Variants in SUPT6H observed in about 807,000 individuals in gnomAD.
The protein encoded by SUPT6H is SPT6 homolog, histone chaperone and transcription elongation factor.
SUPT6H carries 11 observed loss-of-function variants against 222.3 expected under a neutral mutation model. The ratio of observed to expected loss-of-function variants is 0.05; its 90% CI spans 0.03 to 0.08. The LOEUF (loss-of-function observed/expected upper bound fraction) is 0.08, where lower values mean the gene tolerates loss of function less well. SUPT6H is among the 10% of genes least tolerant of loss of function. SUPT6H has a pLI of 1.00. For synonymous variants in SUPT6H, 762 were observed against 801.2 expected (o/e 0.95, Z 0.83); for missense variants, 1,422 against 2,216.0 (o/e 0.64, Z 7.19).
rs1031017064 is a variant in SUPT6H at position 28,700,000 on chromosome 17, G to A, written c.4561+107G>A. 37 of 1,374,738 alleles carry A rather than the reference G, an allele frequency of 2.7e-5. No homozygotes were observed. In the East Asian group the frequency reaches 3.9e-4, roughly 14 times the overall value. 85.2% of individuals were successfully genotyped at this position (1,374,738 alleles called of 1,614,324 possible). The stretch of plus-strand genomic sequence containing the variant: ...ACCAGGTGAGGAGTAGGCTGTCACT[G>A]CAGCTGTCTTACTCCTCCTGCAGCC... On this transcript the variant is annotated intron_variant, in intron 33 of 36. Transcript: ENST00000314616.
rs2031980925 is a variant in SUPT6H, at chr17:28,697,607, C to T, written c.4210-13C>T. 6.2e-7 allele frequency: 1 copy of T among 1,610,108 alleles called. No homozygotes were observed. Among genetic ancestry groups the T allele is most frequent in the Non-Finnish European group, 8.5e-7 (1 of 1,176,514 alleles). The stretch of plus-strand genomic sequence containing the variant: ...TGGATATGACACATGGGGCCTTTAC[C>T]TTCTTCCCACAGGAATTCGAAGATT... On this transcript the variant is annotated splice_polypyrimidine_tract_variant and intron_variant, in intron 30 of 36. Coordinates refer to ENST00000314616, the MANE Select transcript of SUPT6H (RefSeq NM_003170.5).
In SUPT6H at chr17:28,693,807, G is replaced by A. The variant is rs1433235797; in HGVS notation, c.3745G>A (p.Val1249Met). Residue 1249 changes from valine (V) to methionine (M), a missense_variant, in exon 28 of 37, where the codon GTG becomes ATG. By Grantham distance (21) the Val-to-Met change is conservative. Coordinates refer to ENST00000314616, the MANE Select transcript of SUPT6H (RefSeq NM_003170.5). ...CCCCACCAAATTCCTCAGTGACAAA[G>A]TGGTAAAGCGGCCAGAAGAACGAGT... ...FIPTKFLSDK[V>M]VKRPEERVKV... is the part of the protein sequence containing the mutation. 1 of 1,614,226 alleles carries A rather than the reference G, an allele frequency of 6.2e-7. No individual in the cohort carries two copies. Among genetic ancestry groups the A allele is most frequent in the Middle Eastern group, 1.6e-4 (1 of 6,062 alleles).
At position 28,682,608 on chromosome 17, in the gene SUPT6H, G is replaced by A. The variant is rs928991855; in HGVS notation, c.1598-119G>A. 11 of 1,419,798 alleles carry A rather than the reference G, an allele frequency of 7.7e-6. No individual in the cohort carries two copies. In the Admixed American group the frequency reaches 8.1e-5, roughly 10 times the overall value. 88.0% of individuals were successfully genotyped at this position (1,419,798 alleles called of 1,614,324 possible). A position where few individuals can be genotyped will look rare whatever the true frequency, so the allele number is the denominator to read the frequency against. On this transcript the variant is annotated intron_variant, in intron 13 of 36. Coordinates refer to ENST00000314616, the MANE Select transcript of SUPT6H (RefSeq NM_003170.5). ...TGCACTTTAGCCTGGGCAACAGAGC[G>A]AGACCGTCTCAGGAAAATAAAAAAG... is the stretch of plus-strand genomic sequence containing the variant.
Position 28,681,249 on chromosome 17 carries a change from T to G in SUPT6H, c.1350-7T>G. The stretch of plus-strand genomic sequence containing the variant: ...ATGACTGAAACCTTATGTCTCTTCT[T>G]TTTCAGGCTCAAGGATGTCCAATCA... On this transcript the variant is annotated splice_region_variant and splice_polypyrimidine_tract_variant and intron_variant, in intron 11 of 36. Coordinates refer to ENST00000314616, the MANE Select transcript of SUPT6H (RefSeq NM_003170.5). The G allele has an allele frequency of 1.2e-6, 2 of 1,613,580 alleles. No individual in the cohort carries two copies. The highest frequency in any genetic ancestry group is 1.7e-6 in the Non-Finnish European group (2 of 1,179,916).
At position 28,675,114 on chromosome 17, in the gene SUPT6H, G is replaced by T. The variant is rs768979672; in HGVS notation, c.490G>T (p.Ala164Ser). ...EGEEGQEAME[A>S]PMAPPEEEEE... ...GGAAGAAGGGCAGGAGGCCATGGAGGCCCCCATGGCTCCTCCAGAGGAGGA... is the reference window on the plus strand; with the variant it reads ...GGAAGAAGGGCAGGAGGCCATGGAGTCCCCCATGGCTCCTCCAGAGGAGGA... The change falls in exon 5 of 37, where the codon GCC (alanine) becomes TCC (serine). Residue 164 changes from alanine (A) to serine (S), a missense_variant. Ala to Ser is a moderately conservative substitution (Grantham distance 99). Transcript: ENST00000314616. 6.2e-7 allele frequency: 1 copy of T among 1,613,638 alleles called. No individual in the cohort carries two copies. Among genetic ancestry groups the T allele is most frequent in the Non-Finnish European group, 8.5e-7 (1 of 1,179,894 alleles).
chr17:28,681,158 T>C, intron 11 of SUPT6H, 98 bp from the exon 12 acceptor site: 5 of 1,334,410 alleles, frequency 3.7e-6, no homozygotes, highest in Non-Finnish European at 5.2e-6. Flanking sequence ...CCCATTTTAG[T>C]TGGGATACTG....
At chr17:28,684,481 C>A in intron 17 of SUPT6H, 105 bp from the exon 18 acceptor site, 1 of 1,394,770 alleles carries the variant, frequency 7.2e-7, no homozygotes, top group Middle Eastern at 2.0e-4. Flanking sequence ...TAAGAGTACA[C>A]ACCCTCGCAC....
At chr17:28,680,946 A>C (rs2031069642) in intron 11 of SUPT6H, among the ~76,000 whole-genome samples, 1 of 152,186 alleles carries the variant, frequency 6.6e-6, no homozygotes, top group East Asian at 1.9e-4. Context: ...TGCACCAGCT[A>C]TGTGTCTTTA....
chr17:28,663,632 C>T (rs2072107587), intron 1 of SUPT6H, among the ~76,000 whole-genome samples: 1 of 151,994 alleles, frequency 6.6e-6, no homozygotes, highest in Non-Finnish European at 1.5e-5. Context: ...TAAAATCAGT[C>T]ACCAAATCCT....
chr17:28,688,241 G>A lies in SUPT6H; in HGVS notation c.3134+23G>A, dbSNP rs890969792. The A allele has an allele frequency of 3.7e-6, 6 of 1,608,634 alleles. No individual in the cohort carries two copies. The highest frequency in any genetic ancestry group is 3.4e-6 in the Non-Finnish European group (4 of 1,177,360). Reference sequence around the variant, plus strand: ...CAGGTGATGCCCTCTGCCTGGATGGGGCAGGAGGAATTCCCTTGTGGGCTT... The same window carrying A: ...CAGGTGATGCCCTCTGCCTGGATGGAGCAGGAGGAATTCCCTTGTGGGCTT... On this transcript the variant is annotated intron_variant, in intron 24 of 36. Transcript: ENST00000314616. This position sits in a 1 kb window ranked among gnomAD's most constrained non-coding sequence, Gnocchi z 4.3.
chr17:28,674,731 T>C, intron 4 of SUPT6H, 118 bp downstream of exon 4: 8 of 978,690 alleles, frequency 8.2e-6, no homozygotes, highest in Non-Finnish European at 3.2e-6. Context: ...GAGCACGGTG[T>C]TCGGTATCAT....
intron 25 of SUPT6H, 86 bp from the exon 26 acceptor site, chr17:28,689,996 G>A: frequency 6.7e-7 from 1 of 1,489,700 alleles, no homozygotes; most frequent in Non-Finnish European, 9.0e-7. Context: ...ACTCCCATCT[G>A]GAGAGGCCCG....
intron 1 of SUPT6H, among the ~76,000 whole-genome samples, chr17:28,667,076 A>G (rs1347594697): frequency 6.6e-6 from 1 of 151,926 alleles, no homozygotes; most frequent in Admixed American, 6.6e-5. Flanking sequence ...GAATAGTCCT[A>G]GTCCCTTGCC....
intron 7 of SUPT6H, 137 bp from the exon 8 acceptor site, chr17:28,677,578 A>G (rs1448412374): frequency 1.4e-6 from 1 of 693,302 alleles, no homozygotes; most frequent in South Asian, 1.8e-5. Context: ...ATGCCAGAAC[A>G]ACACTGGTAT....
chr17:28,674,544 T>C lies in SUPT6H; in HGVS notation c.276T>C (p.Phe92=). The C allele has an allele frequency of 6.2e-7, 1 of 1,614,186 alleles. No homozygotes were observed. Among genetic ancestry groups the C allele is most frequent in the Non-Finnish European group, 8.5e-7 (1 of 1,180,016 alleles). The part of the protein sequence containing the change: ...VGHKKRKRTS[F]DDRLEDDDFD... ...AACACTTTGTTTCTTCAGCCTCTTT[T>C]GATGACCGCCTGGAGGATGATGATT... Residue 92 remains phenylalanine, a synonymous_variant, in exon 4 of 37, where the codon TTT becomes TTC. Coordinates refer to ENST00000314616, the MANE Select transcript of SUPT6H (RefSeq NM_003170.5).
intron 6 of SUPT6H, 106 bp from the exon 7 acceptor site, chr17:28,676,051 C>T: frequency 5.2e-6 from 7 of 1,338,456 alleles, no homozygotes; most frequent in Non-Finnish European, 7.1e-6. Context: ...TTACCTTCCT[C>T]CTAACCCTCT....
intron 1 of SUPT6H, among the ~76,000 whole-genome samples, chr17:28,665,772 G>A (rs1460792351): frequency 2.0e-5 from 3 of 151,634 alleles, no homozygotes; most frequent in Non-Finnish European, 4.4e-5. Context: ...TCAAAAAAAC[G>A]TATATGTATA....
At position 28,681,933 on chromosome 17, in the gene SUPT6H, A is replaced by C; in HGVS notation, c.1550A>C (p.Gln517Pro). ...DEEQRGPELKQASRRDMYTIC... is the reference protein window; with the variant it reads ...DEEQRGPELKPASRRDMYTIC... ...GAGCAGAGGGGGCCTGAGCTCAAGC[A>C]AGCCTCTCGCCGAGACATGTACACC... Residue 517 changes from glutamine (Q) to proline (P), a missense_variant, in exon 13 of 37, where the codon CAA (glutamine) becomes CCA (proline). Transcript: ENST00000314616. 6.2e-7 allele frequency: 1 copy of C among 1,610,120 alleles called. No homozygotes were observed. Among genetic ancestry groups the C allele is most frequent in the Non-Finnish European group, 8.5e-7 (1 of 1,179,042 alleles).
chr17:28,691,092 T>G, intron 27 of SUPT6H, 29 bp downstream of exon 27: 2 of 1,602,856 alleles, frequency 1.2e-6, no homozygotes, highest in Non-Finnish European at 1.7e-6. Context: ...TCCTGCTCAG[T>G]GGATTTCCTT....
Sources: allele counts gnomAD v4.1 joint callset (sites outside exome capture counted in the v4.1 genomes callset), GRCh38; gene constraint gnomAD v4.1.1; non-coding constraint Gnocchi (gnomAD v3.1); transcripts MANE v1.5; gene names NCBI Gene and HGNC (gene_info 2026-07-23, HGNC 2026-07-21).